Variants in BBOF1 observed in about 807,000 individuals in gnomAD.
BBOF1 encodes basal body-orientation factor 1.
A neutral mutation model predicts 68.0 loss-of-function variants in BBOF1; 62 were observed. The ratio of observed to expected loss-of-function variants is 0.91; its 90% CI spans 0.74 to 1.13. The LOEUF (loss-of-function observed/expected upper bound fraction) is 1.13. Ranked by LOEUF, BBOF1 falls within the 50% of genes most tolerant of loss-of-function variation. The probability of loss-of-function intolerance (pLI) is 0.00; values close to 1 mark genes in which losing one functional copy is unlikely to be tolerated. For missense variants in BBOF1, 534 were observed against 600.1 expected (o/e 0.89, Z 1.15); for synonymous variants, 208 against 198.8 (o/e 1.05, Z -0.39).
chr14:74,049,640 C>T lies in BBOF1; in HGVS notation c.793-62C>T, dbSNP rs376889632. The T allele has an allele frequency of 4.8e-4, 672 of 1,408,574 alleles. 6 individuals carry two copies. The South Asian group carries it at 8.9e-3, about 19-fold the overall frequency. 87.3% of individuals were successfully genotyped at this position (1,408,574 alleles called of 1,614,324 possible). A position where few individuals can be genotyped will look rare whatever the true frequency, so the allele number is the denominator to read the frequency against. On this transcript the variant is annotated intron_variant, in intron 7 of 11. Coordinates refer to ENST00000394009, the MANE Select transcript of BBOF1 (RefSeq NM_025057.3). ...TTGTGCCACTGCCCTCCAGCCTGGG[C>T]GACAGAGCAAGATTCCATCTCAAAA...
downstream of BBOF1, chr14:74,067,520 G>T (rs747147269): frequency 6.2e-7 from 1 of 1,614,128 alleles, no homozygotes; most frequent in South Asian, 1.1e-5. Context: ...CTGGTTCAGG[G>T]TATTTTCCTT....
intron 10 of BBOF1, among the ~76,000 whole-genome samples, chr14:74,079,509 C>G (rs1430350009): frequency 6.6e-6 from 1 of 151,576 alleles, no homozygotes; most frequent in Non-Finnish European, 1.5e-5. Context: ...TCTTGGCTCA[C>G]CGCAAGCTCC....
Position 74,065,565 on chromosome 14 carries a change from C to T in BBOF1, c.*866C>T, listed in dbSNP as rs2139766660. 1 of 576,490 alleles carries T rather than the reference C, an allele frequency of 1.7e-6. No homozygotes were observed. The highest frequency in any genetic ancestry group is 3.1e-6 in the Non-Finnish European group (1 of 324,802). The allele number at this position is 576,490 out of a possible 1,614,324, so 35.7% of individuals were successfully genotyped here. A position where few individuals can be genotyped will look rare whatever the true frequency, so the allele number is the denominator to read the frequency against. ...TCCAAGTTACCAATCATATAAACAA[C>T]TTGGAATTCCTATCAACAATAACCA... On this transcript the variant is annotated 3_prime_UTR_variant, in exon 12 of 12. Coordinates refer to ENST00000394009, the MANE Select transcript of BBOF1 (RefSeq NM_025057.3).
intron 4 of BBOF1, among the ~76,000 whole-genome samples, chr14:74,038,550 A>G (rs2059761125): frequency 6.6e-6 from 1 of 152,248 alleles, no homozygotes; most frequent in Admixed American, 6.5e-5. Context: ...CAAATGTGGC[A>G]GAATTGTGGC....
downstream of BBOF1, among the ~76,000 whole-genome samples, chr14:74,068,104 G>T (rs1194726192): frequency 6.6e-6 from 1 of 151,542 alleles, no homozygotes; most frequent in Non-Finnish European, 1.5e-5. Flanking sequence ...CAAGAAAGAG[G>T]CCAGGCATGG....
intron 10 of BBOF1, chr14:74,081,008 GCT>G (rs1361611631): frequency 2.6e-5 from 4 of 152,146 alleles, no homozygotes; most frequent in Non-Finnish European, 5.9e-5. Flanking sequence ...TGCACATGCT[GCT>G]CTCTCTTGCC....
intron 3 of BBOF1, among the ~76,000 whole-genome samples, chr14:74,031,098 A>C (rs2059557427): frequency 6.6e-6 from 1 of 150,594 alleles, no homozygotes; most frequent in Non-Finnish European, 1.5e-5. Context: ...ATGTAGAGAC[A>C]TTCCCTTTTT....
Position 74,057,568 on chromosome 14 carries a change from T to G in BBOF1, c.1578+310T>G, listed in dbSNP as rs560908875. 1.3e-4 allele frequency: 176 copies of G among 1,330,040 alleles called. 6 individuals carry two copies. In the South Asian group the frequency reaches 2.2e-3, roughly 17 times the overall value. 82.4% of individuals were successfully genotyped at this position (1,330,040 alleles called of 1,614,324 possible). A position where few individuals can be genotyped will look rare whatever the true frequency, so the allele number is the denominator to read the frequency against. On this transcript the variant is annotated intron_variant, in intron 11 of 11. Coordinates refer to ENST00000394009, the MANE Select transcript of BBOF1 (RefSeq NM_025057.3). ...AGAGTAAACATAGTGACCTTGTGACTCTTAGCTTTCCATCACAGGTGGGAA... is the reference window on the plus strand; with the variant it reads ...AGAGTAAACATAGTGACCTTGTGACGCTTAGCTTTCCATCACAGGTGGGAA...
At chr14:74,057,494 G>T in intron 11 of BBOF1, 1 of 1,398,626 alleles carries the variant, frequency 7.1e-7, no homozygotes, top group Non-Finnish European at 9.3e-7. Context: ...CCTATAGGTT[G>T]CCTTTTGAAG....
chr14:74,050,272 T>A, intron 8 of BBOF1, 77 bp downstream of exon 8: 1 of 1,470,738 alleles, frequency 6.8e-7, no homozygotes, highest in South Asian at 1.5e-5. Flanking sequence ...CTGAAAAGTT[T>A]AGTTTTATAA....
chr14:74,077,242 C>G (rs62005135), intron 9 of BBOF1, among the ~76,000 whole-genome samples: 36,649 of 152,078 alleles, frequency 0.24, 4,990 homozygotes, highest in South Asian at 0.46. Flanking sequence ...GAAGCCCATT[C>G]CTGTCTGCTT....
At chr14:74,041,573 C>A (rs2059825222) in intron 5 of BBOF1, among the ~76,000 whole-genome samples, 1 of 152,034 alleles carries the variant, frequency 6.6e-6, no homozygotes, top group Admixed American at 6.6e-5. Flanking sequence ...TTATTTGAGA[C>A]AGGGTCTTGT....
Position 74,049,846 on chromosome 14 carries a change from C to G in BBOF1, c.937C>G (p.Leu313Val), listed in dbSNP as rs774888070. ...AGAGTTTGAGAGTGAAGTTTTAAAACTGCAGCAACACGCAATGATAGAGAA... is the reference window on the plus strand; with the variant it reads ...AGAGTTTGAGAGTGAAGTTTTAAAAGTGCAGCAACACGCAATGATAGAGAA... ...TKEFESEVLKLQQHAMIENQA... is the reference protein window; with the variant it reads ...TKEFESEVLKVQQHAMIENQA... Residue 313 changes from leucine (L) to valine (V), a missense_variant, in exon 8 of 12, where the codon CTG (leucine) becomes GTG (valine). Transcript: ENST00000394009. 2.0e-5 allele frequency: 32 copies of G among 1,614,164 alleles called. No homozygotes were observed. The highest frequency in any genetic ancestry group is 2.3e-5 in the Non-Finnish European group (27 of 1,180,044).
At chr14:74,069,974 ACTAC>A (rs2060526889), downstream of BBOF1, among the ~76,000 whole-genome samples, 1 of 149,400 alleles carries the variant, frequency 6.7e-6, no homozygotes, top group African/African-American at 2.5e-5. Context: ...ACCTCATGGG[ACTAC>A]CTGCACATGC....
intron 11 of BBOF1, chr14:74,057,780 C>A: frequency 9.2e-7 from 1 of 1,083,822 alleles, no homozygotes; most frequent in South Asian, 2.5e-5. Flanking sequence ...ACTTTTTAGC[C>A]GCGATCACAT....
At chr14:74,075,046 TA>T in intron 9 of BBOF1, 1 of 1,606,184 alleles carries the variant, frequency 6.2e-7, no homozygotes, top group South Asian at 1.1e-5. Flanking sequence ...ATTATTTTGA[TA>T]AATGAGAGCA....
At chr14:74,045,716 G>A (rs2059934058) in intron 5 of BBOF1, among the ~76,000 whole-genome samples, 1 of 152,202 alleles carries the variant, frequency 6.6e-6, no homozygotes, top group Admixed American at 6.5e-5. Context: ...AGGCTACTGA[G>A]AACAGCCTAG....
In BBOF1 at chr14:74,054,317, CTTTT is replaced by C. The variant is rs940724010; in HGVS notation, c.1287-1261_1287-1258del. On this transcript the variant is annotated intron_variant, in intron 8 of 11. Coordinates refer to ENST00000394009, the MANE Select transcript of BBOF1 (RefSeq NM_025057.3). ...GAGCCACCGCACCTGGCCTAAACAACTTTTTTTTTCTTGTTCCCTTTGTCTGTGT... is the reference window on the plus strand; with the variant it reads ...GAGCCACCGCACCTGGCCTAAACAACTTTTTCTTGTTCCCTTTGTCTGTGT... 2.1e-5 allele frequency among the ~76,000 whole-genome samples: 3 copies of C among 144,104 alleles called. No individual in the cohort carries two copies. The South Asian group carries it at 6.8e-4, about 33-fold the overall frequency. The allele number at this position is 144,104 out of a possible 152,430, so 94.5% of individuals were successfully genotyped here. A position where few individuals can be genotyped will look rare whatever the true frequency, so the allele number is the denominator to read the frequency against.
chr14:74,025,917 A>G (rs1362605760), intron 2 of BBOF1, among the ~76,000 whole-genome samples: 1 of 150,802 alleles, frequency 6.6e-6, no homozygotes, highest in Non-Finnish European at 1.5e-5. Context: ...GGGGGGGTGC[A>G]TCACATGAGG....
Sources: gnomAD v4.1 joint callset for allele counts (sites outside exome capture counted in the v4.1 genomes callset) on GRCh38, gnomAD v4.1.1 for gene constraint, MANE v1.5 for transcripts, NCBI Gene and HGNC (gene_info 2026-07-23, HGNC 2026-07-21) for gene names.